The following BCL2L13 variants were observed in gnomAD, a reference collection of about 807,000 sequenced individuals.
BCL2L13 encodes bcl-2-like protein 13.
BCL2L13 carries 13 observed loss-of-function variants against 25.8 expected under a neutral mutation model. The observed-to-expected ratio is 0.50, with a 90% CI of 0.33 to 0.80. BCL2L13 has a LOEUF of 0.80. BCL2L13 is among the 30% of genes least tolerant of loss of function. BCL2L13 has a pLI of 0.02. For missense variants in BCL2L13, 504 were observed against 574.9 expected (o/e 0.88, Z 1.26); for synonymous variants, 244 against 230.3 (o/e 1.06, Z -0.54).
chr22:17,717,331 G>C (rs564870892), intron 6 of BCL2L13, among the ~76,000 whole-genome samples: 2 of 141,726 alleles, frequency 1.4e-5, no homozygotes, highest in Non-Finnish European at 3.0e-5. Context: ...AGAAGAGTTA[G>C]CCAGGTGTGG....
In BCL2L13 at chr22:17,727,811, G is replaced by T; in HGVS notation, c.*277G>T. The T allele has an allele frequency of 2.1e-6, 1 of 483,232 alleles. No individual in the cohort carries two copies. The highest frequency in any genetic ancestry group is 3.8e-5 in the East Asian group (1 of 26,592). 29.9% of individuals were successfully genotyped at this position (483,232 alleles called of 1,614,324 possible). On this transcript the variant is annotated 3_prime_UTR_variant, in exon 7 of 7. Transcript: ENST00000317582. ...ACCGGGTTTCTCAGCCTTGGCACTA[G>T]TGCTGTTCTGACCATTCTCTGTGTT... is the stretch of plus-strand genomic sequence containing the variant.
At chr22:17,702,484 G>A (rs990391604) in intron 6 of BCL2L13, 98 bp downstream of exon 6, 11 of 1,192,000 alleles carry the variant, frequency 9.2e-6, no homozygotes, top group Non-Finnish European at 1.2e-5. Flanking sequence ...CCGGGCTGGA[G>A]TGCAGTGTCT....
chr22:17,693,465 C>T (rs763890656), intron 4 of BCL2L13, among the ~76,000 whole-genome samples: 3 of 149,220 alleles, frequency 2.0e-5, no homozygotes, highest in African/African-American at 7.5e-5. Context: ...CTACAACTTC[C>T]GCCTCCCGGG....
intron 5 of BCL2L13, among the ~76,000 whole-genome samples, chr22:17,696,561 G>A (rs1032259528): frequency 1.3e-5 from 2 of 152,120 alleles, no homozygotes; most frequent in African/African-American, 2.4e-5. Context: ...TTGGGAGGTA[G>A]CCTCTTCCTG....
intron 1 of BCL2L13, among the ~76,000 whole-genome samples, chr22:17,644,521 A>T (rs1445264664): frequency 6.7e-6 from 1 of 149,910 alleles, no homozygotes; most frequent in Non-Finnish European, 1.5e-5. Context: ...TAGTAGAGAC[A>T]GGGTTTCACC....
At chr22:17,717,745 A>G (rs1012052700) in intron 6 of BCL2L13, among the ~76,000 whole-genome samples, 8 of 151,984 alleles carry the variant, frequency 5.3e-5, no homozygotes, top group African/African-American at 1.7e-4. Context: ...TATATCATCC[A>G]AGTTGGATTG....
chr22:17,656,829 AT>A (rs1268387027), intron 2 of BCL2L13, among the ~76,000 whole-genome samples: 1 of 150,744 alleles, frequency 6.6e-6, no homozygotes, highest in Admixed American at 6.6e-5. Flanking sequence ...TGGCTGCCTT[AT>A]TTTTTTGAGA....
chr22:17,723,777 A>G lies in BCL2L13; in HGVS notation c.601-2900A>G, dbSNP rs144841486. On this transcript the variant is annotated intron_variant, in intron 6 of 6. Transcript: ENST00000317582. ...GTGAAACCCCGTCTCTACTAAAAATACAAGTATTAGCTGGGCATGGTGGCG... is the reference window on the plus strand; with the variant it reads ...GTGAAACCCCGTCTCTACTAAAAATGCAAGTATTAGCTGGGCATGGTGGCG... Among the ~76,000 whole-genome samples the G allele has an allele frequency of 5.8e-3, 876 of 152,142 alleles. 13 individuals are homozygous for G. Among genetic ancestry groups the G allele is most frequent in the African/African-American group, 0.02 (840 of 41,510 alleles).
At chr22:17,631,706 A>ATTTT (rs71201849) in intron 1 of BCL2L13, among the ~76,000 whole-genome samples, 8 of 10,918 alleles carry the variant, frequency 7.3e-4, no homozygotes, top group Admixed American at 2.0e-3. Flanking sequence ...ATATATATAT[A>ATTTT]TTTTTTTTTT....
chr22:17,637,519 C>T (rs893256048), upstream of BCL2L13, among the ~76,000 whole-genome samples: 39 of 151,652 alleles, frequency 2.6e-4, no homozygotes, highest in Non-Finnish European at 5.0e-4. Context: ...GGATTACAGG[C>T]GCGTGACACC....
chr22:17,708,499 T>C (rs563676095), intron 6 of BCL2L13, among the ~76,000 whole-genome samples: 5 of 152,312 alleles, frequency 3.3e-5, no homozygotes, highest in Middle Eastern at 3.4e-3. Flanking sequence ...GAGGTTTCAA[T>C]AGATGAAGTG....
chr22:17,641,664 A>G (rs1289061969), intron 1 of BCL2L13, among the ~76,000 whole-genome samples: 1 of 151,734 alleles, frequency 6.6e-6, no homozygotes, highest in African/African-American at 2.4e-5. Context: ...TCAAAAAGAG[A>G]CTCCCATACC....
rs775831418 is a variant in BCL2L13 at position 17,727,500 on chromosome 22, C to A, written c.1424C>A (p.Ala475Asp). ...GAAAVAILAVAIGVALALRKK is the reference protein window; with the variant it reads ...GAAAVAILAVDIGVALALRKK The stretch of plus-strand genomic sequence containing the variant: ...GCTGCTGTTGCCATCCTGGCAGTGG[C>A]CATCGGGGTAGCCCTGGCTCTGAGA... The change falls in exon 7 of 7, where the codon GCC (alanine) becomes GAC (aspartate). Residue 475 changes from alanine to aspartate, a missense_variant. By Grantham distance (126) the Ala-to-Asp change is moderately radical (BLOSUM62 -2). Coordinates refer to ENST00000317582, the MANE Select transcript of BCL2L13 (RefSeq NM_015367.4). The A allele has an allele frequency of 6.2e-7, 1 of 1,614,206 alleles. No individual in the cohort carries two copies. Among genetic ancestry groups the A allele is most frequent in the East Asian group, 2.2e-5 (1 of 44,876 alleles).
chr22:17,664,636 A>G (rs953264315), intron 2 of BCL2L13, among the ~76,000 whole-genome samples: 3 of 152,116 alleles, frequency 2.0e-5, no homozygotes, highest in African/African-American at 7.2e-5. Context: ...TGAGGGCTCC[A>G]CCCCTATAGC....
chr22:17,710,869 T>C (rs887431726), intron 6 of BCL2L13, among the ~76,000 whole-genome samples: 2 of 151,300 alleles, frequency 1.3e-5, no homozygotes, highest in Admixed American at 1.3e-4. Context: ...AGAGCGAGAC[T>C]CCGTCTCAAA....
intron 6 of BCL2L13, among the ~76,000 whole-genome samples, chr22:17,713,752 G>A (rs527393405): frequency 1.7e-4 from 25 of 151,434 alleles, no homozygotes; most frequent in Admixed American, 6.6e-4. Flanking sequence ...GAGCCACTGC[G>A]CCCAGCCAAA....
At chr22:17,684,161 A>G (rs2059839299) in intron 3 of BCL2L13, among the ~76,000 whole-genome samples, 1 of 151,988 alleles carries the variant, frequency 6.6e-6, no homozygotes, top group African/African-American at 2.4e-5. Flanking sequence ...CATAAAATTC[A>G]CCCATTTAAA....
intron 3 of BCL2L13, among the ~76,000 whole-genome samples, chr22:17,687,586 G>T (rs71328230): frequency 1.3e-5 from 2 of 151,948 alleles, no homozygotes; most frequent in South Asian, 4.2e-4. Context: ...TCGCAGTCTC[G>T]GCCTACTGCA....
intron 1 of BCL2L13, among the ~76,000 whole-genome samples, chr22:17,632,750 TTC>T (rs1352808340): frequency 1.5e-4 from 23 of 149,150 alleles, no homozygotes; most frequent in South Asian, 8.4e-4. Context: ...ATGATTCTTC[TTC>T]TTTTTTTTTT....
Sources: allele counts gnomAD v4.1 joint callset (sites outside exome capture counted in the v4.1 genomes callset), GRCh38; gene constraint gnomAD v4.1.1; transcripts MANE v1.5; gene names NCBI Gene and HGNC (gene_info 2026-07-23, HGNC 2026-07-21).